GSE1: variants seen among roughly 807,000 people sequenced by gnomAD.
The protein encoded by GSE1 is Gse1 coiled-coil protein, also known as genetic suppressor element 1.
In GSE1, 32 loss-of-function variants were observed where a neutral mutation model predicts 112.6. The ratio of observed to expected loss-of-function variants is 0.28; its 90% CI spans 0.21 to 0.38. GSE1 has a LOEUF of 0.38. Ranked by LOEUF, GSE1 falls within the 10% of genes least tolerant of loss-of-function variation. GSE1 has a pLI of 1.00. For synonymous variants in GSE1, 1,115 were observed against 735.6 expected (o/e 1.52, Z -8.35); for missense variants, 2,348 against 1,699.2 (o/e 1.38, Z -6.71).
At chr16:85,238,252 C>G (rs1176361885) in intron 1 of GSE1, among the ~76,000 whole-genome samples, 5 of 152,164 alleles carry the variant, frequency 3.3e-5, no homozygotes, top group African/African-American at 1.2e-4. Context: ...CCTGCCCTCA[C>G]ATCCCCAGAC....
At chr16:85,447,459 G>C (rs2049547605) in intron 2 of GSE1, among the ~76,000 whole-genome samples, 1 of 152,234 alleles carries the variant, frequency 6.6e-6, no homozygotes, top group Admixed American at 6.5e-5. Flanking sequence ...GGCAGTTAAA[G>C]GAACCAGCCA....
chr16:85,181,305 A>G (rs2074578858), intron 1 of GSE1, among the ~76,000 whole-genome samples: 1 of 152,172 alleles, frequency 6.6e-6, no homozygotes, highest in Non-Finnish European at 1.5e-5. Context: ...CCCGCTTTTC[A>G]GATAAGGAGG....
intron 2 of GSE1, among the ~76,000 whole-genome samples, chr16:85,452,190 A>T (rs2049705954): frequency 6.6e-6 from 1 of 152,072 alleles, no homozygotes; most frequent in Non-Finnish European, 1.5e-5. Context: ...GGGGCCCCGC[A>T]ATTAAGCCGA....
intron 3 of GSE1, among the ~76,000 whole-genome samples, chr16:85,651,522 G>T (rs959596774): frequency 1.3e-5 from 2 of 152,196 alleles, no homozygotes; most frequent in Non-Finnish European, 2.9e-5. Flanking sequence ...CCGTGTCTGG[G>T]CTGGGGACAG....
At chr16:85,376,270 T>G (rs1282917507) in intron 2 of GSE1, among the ~76,000 whole-genome samples, 2 of 152,098 alleles carry the variant, frequency 1.3e-5, no homozygotes, top group African/African-American at 4.8e-5. Flanking sequence ...TGAGTTTCTC[T>G]CTCCGGGAAA....
chr16:85,174,416 G>T (rs1410589397), intron 1 of GSE1, among the ~76,000 whole-genome samples: 1 of 152,254 alleles, frequency 6.6e-6, no homozygotes, highest in African/African-American at 2.4e-5. Context: ...ATGGGTCTCA[G>T]GCTCCCCTGG....
At chr16:85,226,813 G>A (rs948639081) in intron 1 of GSE1, among the ~76,000 whole-genome samples, 1 of 141,616 alleles carries the variant, frequency 7.1e-6, no homozygotes. Context: ...GTGTGTGTGT[G>A]TGTGAAGGAG....
intron 2 of GSE1, among the ~76,000 whole-genome samples, chr16:85,379,937 GACA>G (rs909879460): frequency 1.4e-4 from 21 of 152,326 alleles, no homozygotes; most frequent in African/African-American, 5.1e-4. Context: ...GGCTGCCCCA[GACA>G]ACATCTACCA....
Position 85,469,915 on chromosome 16 carries a change from C to T in GSE1, c.2464+112272C>T, listed in dbSNP as rs114371895. ...AGGGCCCTTGGCCCGTCAGAGTCCCCGACCAGGCACGGGGTACCCCAGGAC... is the reference window on the plus strand; with the variant it reads ...AGGGCCCTTGGCCCGTCAGAGTCCCTGACCAGGCACGGGGTACCCCAGGAC... On this transcript the variant is annotated intron_variant, in intron 2 of 2. Coordinates refer to the GSE1 transcript ENST00000637419. Among the ~76,000 whole-genome samples the T allele has an allele frequency of 7.9e-3, 1,211 of 152,352 alleles. 14 individuals carry two copies. Among genetic ancestry groups the T allele is most frequent in the African/African-American group, 0.028 (1,161 of 41,586 alleles).
At chr16:85,608,585 C>T (rs921986743), upstream of GSE1, among the ~76,000 whole-genome samples, 2 of 152,154 alleles carry the variant, frequency 1.3e-5, no homozygotes, top group African/African-American at 2.4e-5. Flanking sequence ...AGGTGGTTAC[C>T]GAGAAGTGCT....
intron 5 of GSE1, among the ~76,000 whole-genome samples, chr16:85,655,237 C>CG (rs1179283092): frequency 3.9e-5 from 6 of 152,294 alleles, no homozygotes; most frequent in Middle Eastern, 6.8e-3. Flanking sequence ...CCCTTCTCAC[C>CG]GGGGGGTCCA....
intron 1 of GSE1, among the ~76,000 whole-genome samples, chr16:85,175,591 G>A (rs756414964): frequency 3.4e-4 from 51 of 152,234 alleles, no homozygotes; most frequent in Admixed American, 9.2e-4. Context: ...AAGTGCTGCT[G>A]GCGCGACGCT....
At chr16:85,578,618 G>T (rs1015916903) in intron 1 of GSE1, among the ~76,000 whole-genome samples, 2 of 152,208 alleles carry the variant, frequency 1.3e-5, no homozygotes, top group Non-Finnish European at 2.9e-5. Flanking sequence ...CCAGGAGGTG[G>T]TAGATGCAGG....
chr16:85,639,095 G>A (rs2050234979), intron 2 of GSE1, among the ~76,000 whole-genome samples: 1 of 152,216 alleles, frequency 6.6e-6, no homozygotes, highest in African/African-American at 2.4e-5. Context: ...GACCGGCCTG[G>A]GCTGCAGTCT....
At chr16:85,381,246 T>C (rs1018861065) in intron 2 of GSE1, among the ~76,000 whole-genome samples, 5 of 152,242 alleles carry the variant, frequency 3.3e-5, no homozygotes, top group Non-Finnish European at 7.3e-5. Context: ...CTCAGCGTGG[T>C]GTCTTCCAGG....
chr16:85,228,180 G>A (rs556615652), intron 1 of GSE1, among the ~76,000 whole-genome samples: 8 of 152,348 alleles, frequency 5.3e-5, no homozygotes, highest in East Asian at 3.9e-4. Flanking sequence ...GGCCCCCGCC[G>A]GAGGAGCCCT....
At chr16:85,324,981 T>C (rs1191063309) in intron 1 of GSE1, among the ~76,000 whole-genome samples, 1 of 152,172 alleles carries the variant, frequency 6.6e-6, no homozygotes, top group African/African-American at 2.4e-5. Context: ...TTATCCGTTT[T>C]TTTTGAGACA....
At position 85,657,346 on chromosome 16, in the gene GSE1, C is replaced by T. The variant is rs1430221116; in HGVS notation, c.1382C>T (p.Pro461Leu). Residue 461 changes from proline to leucine, a missense_variant, in exon 8 of 16, where the codon CCA (proline) becomes CTA (leucine). Physicochemically the swap from Pro to Leu is moderately conservative, Grantham distance 98. Transcript: ENST00000253458. ...CACCCCTTGCATCCGGTGCCCACCC[C>T]ACACCACACGGTGCCCAGCCTCATC... Reference protein sequence around the residue: ...VQHPLHPVPTPHHTVPSLISN... With the variant: ...VQHPLHPVPTLHHTVPSLISN... 1.9e-6 allele frequency: 3 copies of T among 1,611,062 alleles called. No homozygotes were observed. Among genetic ancestry groups the T allele is most frequent in the South Asian group, 1.1e-5 (1 of 90,780 alleles).
chr16:85,352,825 G>A lies in GSE1; in HGVS notation c.2284-4638G>A, dbSNP rs141780230. Among the ~76,000 whole-genome samples the A allele has an allele frequency of 3.5e-4, 54 of 152,300 alleles. No individual in the cohort carries two copies. In the East Asian group the frequency reaches 9.4e-3, roughly 27 times the overall value. On this transcript the variant is annotated intron_variant, in intron 1 of 2. Transcript: ENST00000637419. The stretch of plus-strand genomic sequence containing the variant: ...CCAGGCCAGCTGCTGACAAAGAAAG[G>A]GGGTAAAATCCTTTCACTCCCAACA...
Sources: gnomAD v4.1 joint callset for allele counts (sites outside exome capture counted in the v4.1 genomes callset) on GRCh38, gnomAD v4.1.1 for gene constraint, MANE v1.5 for transcripts, NCBI Gene and HGNC (gene_info 2026-07-23, HGNC 2026-07-21) for gene names.